UMAD1: variants seen among roughly 807,000 people sequenced by gnomAD.
UMAD1 encodes the protein UBAP1-MVB12-associated (UMA)-domain containing protein 1.
A neutral mutation model predicts 6.1 loss-of-function variants in UMAD1; 8 were observed. The observed-to-expected ratio is 1.30, with a 90% CI of 0.76 to 2.35. UMAD1 has a LOEUF of 2.35. UMAD1 is among the 30% of genes most tolerant of loss of function. The pLI, the probability that UMAD1 is intolerant of heterozygous loss-of-function variation, is 0.00. For missense variants in UMAD1, 130 were observed against 78.4 expected (o/e 1.66, Z -2.49); for synonymous variants, 56 against 31.4 (o/e 1.78, Z -2.61).
At chr7:7,669,684 A>G (rs764650059) in intron 1 of UMAD1, among the ~76,000 whole-genome samples, 1 of 152,220 alleles carries the variant, frequency 6.6e-6, no homozygotes, top group Non-Finnish European at 1.5e-5. Context: ...CCACAGAACA[A>G]CATCTTGAGG....
Position 7,689,135 on chromosome 7 carries a change from CG to C in UMAD1, c.82+15684del, listed in dbSNP as rs1780111406. Among the ~76,000 whole-genome samples, 3 of 152,092 alleles carry C rather than the reference CG, an allele frequency of 2.0e-5. No individual in the cohort carries two copies. The South Asian group carries it at 6.2e-4, about 32-fold the overall frequency. On this transcript the variant is annotated intron_variant, in intron 2 of 3. Transcript: ENST00000682710. ...AGTGCTCATTTGCCTAAGCCAGTCACGGTAGTCTAATTCACCTTGCCAGTGA... is the reference window on the plus strand; with the variant it reads ...AGTGCTCATTTGCCTAAGCCAGTCACGTAGTCTAATTCACCTTGCCAGTGA...
chr7:7,660,254 A>C (rs1415117270), intron 1 of UMAD1, among the ~76,000 whole-genome samples: 1 of 152,140 alleles, frequency 6.6e-6, no homozygotes, highest in East Asian at 1.9e-4. Context: ...CTCTTTATCC[A>C]ATTTGCCAGT....
At chr7:7,758,198 C>A (rs986593707) in intron 2 of UMAD1, among the ~76,000 whole-genome samples, 1 of 152,002 alleles carries the variant, frequency 6.6e-6, no homozygotes, top group African/African-American at 2.4e-5. Flanking sequence ...CATGAGCCAC[C>A]GCGTTTGGCC....
At chr7:7,715,343 C>T (rs1563148784) in intron 2 of UMAD1, 1 of 152,112 alleles carries the variant, frequency 6.6e-6, no homozygotes, top group Non-Finnish European at 1.5e-5. Context: ...GACCATAGAC[C>T]TTATAGCTAG....
chr7:7,837,106 C>G (rs1262641284), intron 3 of UMAD1, among the ~76,000 whole-genome samples: 1 of 151,946 alleles, frequency 6.6e-6, no homozygotes, highest in African/African-American at 2.4e-5. Flanking sequence ...AAGGAATTAA[C>G]AGAACTAAAG....
chr7:7,829,549 C>T (rs1280025989), intron 3 of UMAD1, among the ~76,000 whole-genome samples: 3 of 152,112 alleles, frequency 2.0e-5, no homozygotes, highest in Non-Finnish European at 4.4e-5. Flanking sequence ...GTGCTGAAAC[C>T]TGAGCTAGAA....
rs568673590 is a variant in UMAD1, at chr7:7,652,780, T to A, written c.-64+11959T>A. Among the ~76,000 whole-genome samples the A allele has an allele frequency of 3.3e-5, 5 of 152,332 alleles. No individual in the cohort carries two copies. The South Asian group carries it at 8.3e-4, about 25-fold the overall frequency. On this transcript the variant is annotated intron_variant, in intron 1 of 3. Coordinates refer to ENST00000682710, the MANE Select transcript of UMAD1 (RefSeq NM_001302348.2). The stretch of plus-strand genomic sequence containing the variant: ...TGACTGAGTGTTAAAAGAAGTTTGT[T>A]CTTCAATGGGGAGGAAGTAGTAAGC...
chr7:7,765,003 C>CTT (rs199681920), intron 2 of UMAD1, among the ~76,000 whole-genome samples: 2 of 143,898 alleles, frequency 1.4e-5, no homozygotes, highest in Admixed American at 7.0e-5. Flanking sequence ...TAATATCATT[C>CTT]TTTTTTTTTT....
At chr7:7,870,342 T>C (rs1000709361) in intron 3 of UMAD1, among the ~76,000 whole-genome samples, 12 of 152,182 alleles carry the variant, frequency 7.9e-5, no homozygotes, top group African/African-American at 9.7e-5. Flanking sequence ...CTCAGAAACA[T>C]TATGATAGCA....
chr7:7,773,667 C>G (rs12702645), intron 2 of UMAD1, among the ~76,000 whole-genome samples: 38,170 of 152,114 alleles, frequency 0.25, 5,814 homozygotes, highest in Middle Eastern at 0.35. Flanking sequence ...ACAGATTGCC[C>G]AACACACTAG....
chr7:7,658,723 T>C (rs969637232), intron 1 of UMAD1, among the ~76,000 whole-genome samples: 3 of 152,258 alleles, frequency 2.0e-5, no homozygotes, highest in African/African-American at 7.2e-5. Flanking sequence ...CAGTATCTTA[T>C]TGAGTATTTT....
At chr7:7,852,050 A>C (rs192674045) in intron 3 of UMAD1, among the ~76,000 whole-genome samples, 5 of 152,178 alleles carry the variant, frequency 3.3e-5, no homozygotes. Context: ...ATTTTTGTAT[A>C]TGGTTTGAGA....
At chr7:7,725,018 G>A (rs554709815) in intron 2 of UMAD1, among the ~76,000 whole-genome samples, 1 of 152,298 alleles carries the variant, frequency 6.6e-6, no homozygotes, top group African/African-American at 2.4e-5. Flanking sequence ...GGACTTACTG[G>A]TGAGACATTT....
intron 3 of UMAD1, chr7:7,868,649 A>C (rs1241710375): frequency 6.6e-6 from 1 of 152,148 alleles, no homozygotes; most frequent in Non-Finnish European, 1.5e-5. Flanking sequence ...AGGAACAGAG[A>C]AAATAATCTG....
At chr7:7,775,967 G>T (rs2115247133) in intron 2 of UMAD1, among the ~76,000 whole-genome samples, 1 of 152,248 alleles carries the variant, frequency 6.6e-6, no homozygotes, top group East Asian at 1.9e-4. Context: ...AGGGGTGATG[G>T]ATCGTTATGT....
At chr7:7,758,713 A>G (rs1424209673) in intron 2 of UMAD1, among the ~76,000 whole-genome samples, 5 of 152,044 alleles carry the variant, frequency 3.3e-5, no homozygotes, top group African/African-American at 9.7e-5. Context: ...TTCTTATTCA[A>G]TGTTGCATTT....
chr7:7,737,233 T>C (rs1781377542), intron 2 of UMAD1, among the ~76,000 whole-genome samples: 1 of 152,226 alleles, frequency 6.6e-6, no homozygotes, highest in Non-Finnish European at 1.5e-5. Context: ...AGCTGAAACT[T>C]TGGTGAGTTA....
At chr7:7,785,608 A>G (rs1416034591) in intron 2 of UMAD1, among the ~76,000 whole-genome samples, 1 of 152,234 alleles carries the variant, frequency 6.6e-6, no homozygotes, top group Admixed American at 6.5e-5. Context: ...GAGAACAAGT[A>G]GAGGAAGGGA....
intron 2 of UMAD1, among the ~76,000 whole-genome samples, chr7:7,724,158 C>T (rs1781098430): frequency 6.6e-6 from 1 of 152,148 alleles, no homozygotes; most frequent in Non-Finnish European, 1.5e-5. Context: ...ATCAGGGTAA[C>T]TGATAATGTC....
Sources: gnomAD v4.1 joint callset for allele counts (sites outside exome capture counted in the v4.1 genomes callset) on GRCh38, gnomAD v4.1.1 for gene constraint, MANE v1.5 for transcripts, NCBI Gene and HGNC (gene_info 2026-07-23, HGNC 2026-07-21) for gene names.